PDE4B: variants seen among roughly 807,000 people sequenced by gnomAD.
The protein encoded by PDE4B is phosphodiesterase 4B, also known as 3',5'-cyclic-AMP phosphodiesterase 4B.
A neutral mutation model predicts 82.2 loss-of-function variants in PDE4B; 20 were observed. The observed-to-expected ratio is 0.24, with a 90% CI of 0.17 to 0.35. PDE4B has a LOEUF of 0.35. PDE4B is among the 10% of genes least tolerant of loss of function. The probability of loss-of-function intolerance (pLI) is 1.00; values close to 1 mark genes in which losing one functional copy is unlikely to be tolerated. For synonymous variants in PDE4B, 320 were observed against 318.9 expected, an observed-to-expected ratio of 1.00 and a Z score of -0.04; for missense variants, 655 against 907.2, an observed-to-expected ratio of 0.72 and a Z score of 3.57.
intron 1 of PDE4B, among the ~76,000 whole-genome samples, chr1:65,877,445 C>T (rs1646658071): frequency 1.3e-5 from 2 of 151,876 alleles, no homozygotes; most frequent in African/African-American, 4.8e-5. Context: ...GAAACTCCAT[C>T]TCTACTAAAA....
intron 3 of PDE4B, among the ~76,000 whole-genome samples, chr1:66,057,820 G>T (rs1442850658): frequency 2.6e-5 from 4 of 152,134 alleles, no homozygotes; most frequent in Non-Finnish European, 4.4e-5. Flanking sequence ...GCTATAAGAT[G>T]AAATTTGGGT....
intron 3 of PDE4B, among the ~76,000 whole-genome samples, chr1:66,215,961 G>T (rs1156496746): frequency 1.3e-5 from 2 of 152,078 alleles, no homozygotes; most frequent in Non-Finnish European, 1.5e-5. Context: ...TTTTAAAGTG[G>T]CATGGAATGT....
chr1:65,851,942 T>C (rs1646337325), intron 1 of PDE4B, among the ~76,000 whole-genome samples: 1 of 152,022 alleles, frequency 6.6e-6, no homozygotes, highest in Admixed American at 6.6e-5. Context: ...TTTTAAAATA[T>C]GTTTTAATCA....
At chr1:65,951,144 C>G (rs1557453741) in intron 3 of PDE4B, among the ~76,000 whole-genome samples, 1 of 152,106 alleles carries the variant, frequency 6.6e-6, no homozygotes, top group African/African-American at 2.4e-5. Context: ...ACTGAGTTAA[C>G]TTTACTTTTC....
chr1:65,987,310 T>C (rs1054357975), intron 3 of PDE4B, among the ~76,000 whole-genome samples: 4 of 152,162 alleles, frequency 2.6e-5, no homozygotes, highest in African/African-American at 9.7e-5. Context: ...TTCCTAAAGA[T>C]GAGTAATTAA....
Position 66,209,698 on chromosome 1 carries a change from C to T in PDE4B, c.282-37762C>T, listed in dbSNP as rs547261611. Among the ~76,000 whole-genome samples the T allele has an allele frequency of 2.6e-5, 4 of 152,308 alleles. No homozygotes were observed. In the East Asian group the frequency reaches 7.7e-4, roughly 29 times the overall value. ...TTGCAGTCTCTCTTACTCCTTGCCCCAGGCTACCATTGATCTGATTTCCAT... is the reference window on the plus strand; with the variant it reads ...TTGCAGTCTCTCTTACTCCTTGCCCTAGGCTACCATTGATCTGATTTCCAT... On this transcript the variant is annotated intron_variant, in intron 3 of 16. Transcript: ENST00000341517.
chr1:66,153,263 G>A (rs1483325839), intron 3 of PDE4B, among the ~76,000 whole-genome samples: 1 of 152,138 alleles, frequency 6.6e-6, no homozygotes, highest in African/African-American at 2.4e-5. Context: ...CAACCCAGTT[G>A]TCAAATTCCT....
chr1:66,209,353 T>C (rs1332567663), intron 3 of PDE4B, among the ~76,000 whole-genome samples: 1 of 152,210 alleles, frequency 6.6e-6, no homozygotes, highest in South Asian at 2.1e-4. Context: ...AGGATACCAA[T>C]TTTCTATATC....
chr1:66,348,805 G>A (rs1054180711), intron 8 of PDE4B, among the ~76,000 whole-genome samples: 2 of 151,644 alleles, frequency 1.3e-5, no homozygotes, highest in African/African-American at 4.8e-5. Flanking sequence ...TATATATATA[G>A]TTTAAAATGC....
At chr1:66,214,582 C>G (rs1000108874) in intron 3 of PDE4B, among the ~76,000 whole-genome samples, 1 of 152,004 alleles carries the variant, frequency 6.6e-6, no homozygotes, top group African/African-American at 2.4e-5. Context: ...ATGAAATATG[C>G]CTTGCTTGAT....
At chr1:66,207,562 T>G (rs1649649320) in intron 3 of PDE4B, among the ~76,000 whole-genome samples, 1 of 152,212 alleles carries the variant, frequency 6.6e-6, no homozygotes, top group Non-Finnish European at 1.5e-5. Context: ...TGGCAAGAAC[T>G]TGAGAGACAA....
intron 1 of PDE4B, among the ~76,000 whole-genome samples, chr1:65,812,154 C>T (rs1302800893): frequency 1.3e-5 from 2 of 152,198 alleles, no homozygotes; most frequent in East Asian, 1.9e-4. Flanking sequence ...CTGACCTCAG[C>T]CCTCAGCCTT....
At chr1:65,900,861 G>A (rs557254158) in intron 1 of PDE4B, among the ~76,000 whole-genome samples, 1 of 152,198 alleles carries the variant, frequency 6.6e-6, no homozygotes, top group South Asian at 2.1e-4. Context: ...TTTTAGTGGA[G>A]TCCTTAGGGT....
intron 7 of PDE4B, 38 bp from the exon 8 acceptor site, chr1:66,332,470 G>T (rs780514295): frequency 1.2e-6 from 2 of 1,614,148 alleles, no homozygotes; most frequent in Admixed American, 3.3e-5. Context: ...GCCTGCAGCC[G>T]CTCCAGCCTA....
chr1:66,037,099 C>T (rs2100815504), intron 3 of PDE4B, among the ~76,000 whole-genome samples: 1 of 139,550 alleles, frequency 7.2e-6, no homozygotes, highest in African/African-American at 2.7e-5. Flanking sequence ...CACCACTGCA[C>T]TGGGTGACAG....
chr1:66,262,055 T>C (rs1196555897), intron 6 of PDE4B, among the ~76,000 whole-genome samples: 2 of 152,218 alleles, frequency 1.3e-5, no homozygotes, highest in Non-Finnish European at 2.9e-5. Context: ...GTAACTTCTT[T>C]GTATTAACAT....
chr1:66,133,432 C>A (rs1196829480), intron 3 of PDE4B, among the ~76,000 whole-genome samples: 1 of 152,168 alleles, frequency 6.6e-6, no homozygotes, highest in Non-Finnish European at 1.5e-5. Context: ...ACTAATGTAT[C>A]CTAATTTCTG....
chr1:66,096,161 A>G (rs972574491), intron 3 of PDE4B, among the ~76,000 whole-genome samples: 2 of 151,706 alleles, frequency 1.3e-5, no homozygotes, highest in Non-Finnish European at 1.5e-5. Flanking sequence ...AAATCTGTGC[A>G]TATACCCTTT....
intron 7 of PDE4B, among the ~76,000 whole-genome samples, chr1:66,315,814 T>A (rs1196789972): frequency 6.6e-6 from 1 of 152,094 alleles, no homozygotes; most frequent in Non-Finnish European, 1.5e-5. Context: ...TTTTTGAAGG[T>A]GAGTCATTCC....
Sources: allele counts gnomAD v4.1 joint callset (sites outside exome capture counted in the v4.1 genomes callset), GRCh38; gene constraint gnomAD v4.1.1; transcripts MANE v1.5; gene names NCBI Gene and HGNC (gene_info 2026-07-23, HGNC 2026-07-21).